The following PDE6A variants were observed in gnomAD, a reference collection of about 807,000 sequenced individuals.
The protein encoded by PDE6A is phosphodiesterase 6A.
PDE6A carries 84 observed loss-of-function variants against 106.3 expected under a neutral mutation model. The observed-to-expected ratio is 0.79, with a 90% CI of 0.66 to 0.95. The LOEUF is 0.95. Among genes scored for constraint, PDE6A ranks in the 40% least tolerant of loss-of-function variants. The probability of loss-of-function intolerance (pLI) is 0.00; values close to 1 mark genes in which losing one functional copy is unlikely to be tolerated. For synonymous variants in PDE6A, 394 were observed against 386.6 expected (o/e 1.02, Z -0.23); for missense variants, 1,052 against 1,084.9 (o/e 0.97, Z 0.43).
At chr5:149,895,129 G>A in intron 13 of PDE6A, 54 bp downstream of exon 13, 3 of 996,920 alleles carry the variant, frequency 3.0e-6, no homozygotes, top group Non-Finnish European at 4.9e-6. Flanking sequence ...GTCTGCATGA[G>A]ATTGTCTAGT....
intron 17 of PDE6A, among the ~76,000 whole-genome samples, chr5:149,877,958 C>T (rs1169002075): frequency 6.6e-6 from 1 of 152,176 alleles, no homozygotes; most frequent in Admixed American, 6.5e-5. Flanking sequence ...TGGAGCCGAT[C>T]CCCTGAGTAT....
intron 4 of PDE6A, among the ~76,000 whole-genome samples, chr5:149,925,870 T>C (rs1431759546): frequency 6.6e-6 from 1 of 152,152 alleles, no homozygotes; most frequent in Non-Finnish European, 1.5e-5. Context: ...CTTAGAGGTC[T>C]TTTCATTACC....
intron 4 of PDE6A, among the ~76,000 whole-genome samples, chr5:149,929,083 A>G (rs1753950410): frequency 6.6e-6 from 1 of 152,332 alleles, no homozygotes; most frequent in Non-Finnish European, 1.5e-5. Flanking sequence ...GGCAATATCT[A>G]CTAAAGCTAA....
At position 149,934,649 on chromosome 5, in the gene PDE6A, TG is replaced by T. The variant is rs1456785115; in HGVS notation, c.543del (p.Ile182Ter). On this transcript the variant is annotated frameshift_variant, in exon 2 of 22. Coordinates refer to ENST00000255266, the MANE Select transcript of PDE6A (RefSeq NM_000440.3). LOFTEE classifies it high-confidence loss of function. ...GCCACCACATCCTTCCCATTCATTA[TG>T]GGGGAAGCCAAGATGTTCTTGGTCT... ...EYKTKNILASPIMNGKDVVAI... is the reference protein window; with the variant it reads ...EYKTKNILASXIMNGKDVVAI... The T allele has an allele frequency of 2.5e-6, 4 of 1,613,992 alleles. No individual in the cohort carries two copies. In the African/African-American group the frequency reaches 4.0e-5, roughly 16 times the overall value.
At chr5:149,882,087 T>C (rs953327907) in intron 17 of PDE6A, among the ~76,000 whole-genome samples, 2 of 132,734 alleles carry the variant, frequency 1.5e-5, no homozygotes, top group Non-Finnish European at 3.4e-5. Context: ...AATAAATAAA[T>C]AAATAAAATG....
chr5:149,922,985 C>A (rs1485788745), intron 4 of PDE6A, among the ~76,000 whole-genome samples: 2 of 152,212 alleles, frequency 1.3e-5, no homozygotes, highest in Admixed American at 6.5e-5. Flanking sequence ...GAGTTTCAAC[C>A]AATCACAGGC....
intron 5 of PDE6A, among the ~76,000 whole-genome samples, chr5:149,917,118 T>C (rs988039780): frequency 6.6e-6 from 1 of 151,652 alleles, no homozygotes; most frequent in Non-Finnish European, 1.5e-5. Flanking sequence ...AGTGGCATGA[T>C]CCAAGTTTAT....
At chr5:149,862,311 A>G (rs1760174001) in intron 21 of PDE6A, among the ~76,000 whole-genome samples, 1 of 152,194 alleles carries the variant, frequency 6.6e-6, no homozygotes, top group South Asian at 2.1e-4. Context: ...ACAAGGAACA[A>G]TTTGAGTTCT....
At chr5:149,940,585 C>T (rs1215657831) in intron 1 of PDE6A, among the ~76,000 whole-genome samples, 4 of 151,182 alleles carry the variant, frequency 2.6e-5, no homozygotes, top group African/African-American at 7.3e-5. Context: ...GCAACCTCCA[C>T]CTCCCAGGTT....
At chr5:149,938,568 G>C (rs1276701626) in intron 1 of PDE6A, among the ~76,000 whole-genome samples, 1 of 152,138 alleles carries the variant, frequency 6.6e-6, no homozygotes, top group Non-Finnish European at 1.5e-5. Flanking sequence ...AGACCTCATG[G>C]GTTTTCCTGC....
chr5:149,874,145 A>G (rs1760655056), intron 17 of PDE6A, among the ~76,000 whole-genome samples: 1 of 152,314 alleles, frequency 6.6e-6, no homozygotes, highest in African/African-American at 2.4e-5. Flanking sequence ...ACAACAAGCA[A>G]TCCTGACACC....
intron 6 of PDE6A, among the ~76,000 whole-genome samples, chr5:149,914,504 C>T (rs977603299): frequency 3.3e-5 from 5 of 152,160 alleles, no homozygotes; most frequent in African/African-American, 1.2e-4. Context: ...GTGGAGTCAC[C>T]GTGATAACGT....
Position 149,867,726 on chromosome 5 carries a change from A to G in PDE6A, c.2273T>C (p.Ile758Thr), listed in dbSNP as rs1352981928. 1.9e-6 allele frequency: 3 copies of G among 1,613,860 alleles called. No individual in the cohort carries two copies. Among genetic ancestry groups the G allele is most frequent in the African/African-American group, 1.3e-5 (1 of 75,010 alleles). ...LERTVLQQNP[I>T]PMMDRNKADE... ...GGCTGACATCCCCTGTCTACTCACA[A>G]TGGGATTCTGTTGCAGCACCGTGCG... is the stretch of plus-strand genomic sequence containing the variant. Residue 758 changes from isoleucine to threonine, a missense_variant and splice_region_variant, in exon 19 of 22, where the codon ATT becomes ACT. Ile to Thr is a moderately conservative substitution (Grantham distance 89). Around this residue, in one of 3 missense-constraint regions of PDE6A, gnomAD observed 135 missense variants for 153.2 expected, o/e 0.88. Transcript: ENST00000255266.
rs552462471 is a variant in PDE6A at position 149,887,193 on chromosome 5, T to C, written c.1729-819A>G. Reference sequence around the variant, plus strand: ...GATATTGTGGCACTGTTTGTAATAGTGAAAGATTGAAAAGACTTCCAAGTC... The same window carrying C: ...GATATTGTGGCACTGTTTGTAATAGCGAAAGATTGAAAAGACTTCCAAGTC... On this transcript the variant is annotated intron_variant, in intron 13 of 21. Coordinates refer to ENST00000255266, the MANE Select transcript of PDE6A (RefSeq NM_000440.3). Among the ~76,000 whole-genome samples the C allele has an allele frequency of 5.9e-5, 9 of 152,218 alleles. No individual in the cohort carries two copies. The South Asian group carries it at 1.9e-3, about 32-fold the overall frequency.
Position 149,866,225 on chromosome 5 carries a change from T to G in PDE6A, c.2303A>C (p.Glu768Ala). The change falls in exon 20 of 22, where the codon GAA becomes GCA. Residue 768 changes from glutamate (E) to alanine (A), a missense_variant. Around this residue, in one of 3 missense-constraint regions of PDE6A, gnomAD observed 135 missense variants for 153.2 expected, o/e 0.88. Transcript: ENST00000255266. ...GAAGCCGACTTGAAGCTTAGGGAGT[T>G]CATCTGCTTTGTTTCTGTCCATCAT... ...IPMMDRNKADELPKLQVGFID... is the reference protein window; with the variant it reads ...IPMMDRNKADALPKLQVGFID... 1 of 1,614,128 alleles carries G rather than the reference T, an allele frequency of 6.2e-7. No individual in the cohort carries two copies.
intron 1 of PDE6A, among the ~76,000 whole-genome samples, chr5:149,939,041 C>A (rs552552220): frequency 1.3e-5 from 2 of 152,282 alleles, no homozygotes; most frequent in South Asian, 4.1e-4. Context: ...TGTTTGGTGG[C>A]GAAGGTTGCA....
chr5:149,937,179 A>T (rs1436662455), intron 1 of PDE6A, among the ~76,000 whole-genome samples: 3 of 152,158 alleles, frequency 2.0e-5, no homozygotes, highest in Non-Finnish European at 2.9e-5. Flanking sequence ...TATGAAGCAC[A>T]TTCTAAGCAC....
In PDE6A at chr5:149,886,256, C is replaced by G. The variant is rs1230900280; in HGVS notation, c.1838+9G>C. On this transcript the variant is annotated intron_variant, in intron 14 of 21. Coordinates refer to ENST00000255266, the MANE Select transcript of PDE6A (RefSeq NM_000440.3). ...GGAGGGTTGGGTGTGGGGAGGGAGGCTGACTCACTTCATCTGGTAGAGGTT... is the reference window on the plus strand; with the variant it reads ...GGAGGGTTGGGTGTGGGGAGGGAGGGTGACTCACTTCATCTGGTAGAGGTT... The G allele has an allele frequency of 4.4e-6, 7 of 1,592,068 alleles. No homozygotes were observed. The highest frequency in any genetic ancestry group is 6.0e-6 in the Non-Finnish European group (7 of 1,159,998).
chr5:149,902,770 C>T (rs1230698970), intron 8 of PDE6A, among the ~76,000 whole-genome samples: 11 of 150,250 alleles, frequency 7.3e-5, no homozygotes, highest in Admixed American at 3.3e-4. Context: ...TGCAGTGAGC[C>T]GAGATCACGC....
Sources: gnomAD v4.1 joint callset for allele counts (sites outside exome capture counted in the v4.1 genomes callset) on GRCh38, gnomAD v4.1.1 for gene constraint, gnomAD v4.1.1 regional missense constraint, MANE v1.5 for transcripts, NCBI Gene and HGNC (gene_info 2026-07-23, HGNC 2026-07-21) for gene names.